Variants in UBXN7 observed in about 807,000 individuals in gnomAD.
The protein encoded by UBXN7 is UBX domain protein 7.
UBXN7 carries 9 observed loss-of-function variants against 58.0 expected under a neutral mutation model. The ratio of observed to expected loss-of-function variants is 0.16; its 90% confidence interval spans 0.09 to 0.27. The LOEUF (loss-of-function observed/expected upper bound fraction) is 0.27. UBXN7 is among the 10% of genes least tolerant of loss of function. The probability of loss-of-function intolerance (pLI) is 1.00; values close to 1 mark genes in which losing one functional copy is unlikely to be tolerated. For synonymous variants in UBXN7, 208 were observed against 205.0 expected (o/e 1.01, Z -0.12); for missense variants, 328 against 599.6 (o/e 0.55, Z 4.73).
chr3:196,412,942 T>C (rs1730377393), intron 1 of UBXN7, among the ~76,000 whole-genome samples: 2 of 152,134 alleles, frequency 1.3e-5, no homozygotes, highest in African/African-American at 4.8e-5. Context: ...TCTTGTTTAA[T>C]GGGTATAGAG....
chr3:196,364,481 G>T (rs773778861), intron 8 of UBXN7, among the ~76,000 whole-genome samples: 6 of 151,932 alleles, frequency 3.9e-5, no homozygotes, highest in Non-Finnish European at 7.4e-5. Flanking sequence ...GGGATACAGA[G>T]GAAAGAAGAC....
At chr3:196,408,679 G>T (rs368701144) in intron 1 of UBXN7, among the ~76,000 whole-genome samples, 2 of 151,990 alleles carry the variant, frequency 1.3e-5, no homozygotes, top group Non-Finnish European at 2.9e-5. Flanking sequence ...CAGTTTTACT[G>T]GGTATTCCAT....
chr3:196,359,071 A>G (rs1438267228), intron 10 of UBXN7, among the ~76,000 whole-genome samples: 2 of 152,102 alleles, frequency 1.3e-5, no homozygotes, highest in Non-Finnish European at 2.9e-5. Flanking sequence ...ATTGTGCTTC[A>G]AGTTACTGAA....
rs538295924 is a variant in UBXN7, at chr3:196,380,559, T to G, written c.469-8517A>C. Among the ~76,000 whole-genome samples the G allele has an allele frequency of 2.0e-5, 3 of 152,308 alleles. No homozygotes were observed. In the South Asian group the frequency reaches 6.2e-4, roughly 32 times the overall value. ...CTGCAGTCTGCAGCTCCCAGCATGA[T>G]CAATGCAGAAGACGGACGATTTCTG... is the stretch of plus-strand genomic sequence containing the variant. On this transcript the variant is annotated intron_variant, in intron 5 of 10. Coordinates refer to ENST00000296328, the MANE Select transcript of UBXN7 (RefSeq NM_015562.2).
intron 1 of UBXN7, among the ~76,000 whole-genome samples, chr3:196,415,780 CA>C (rs570503579): frequency 6.7e-4 from 93 of 138,024 alleles, no homozygotes; most frequent in Middle Eastern, 3.7e-3. Flanking sequence ...GACTTCATCT[CA>C]AAAAAAAAAA....
At chr3:196,372,120 G>A in intron 5 of UBXN7, 78 bp from the exon 6 acceptor site, 1 of 1,464,830 alleles carries the variant, frequency 6.8e-7, no homozygotes, top group South Asian at 1.4e-5. Flanking sequence ...TTCAGAGGTT[G>A]TTGTCTTTCA....
At position 196,352,908 on chromosome 3, in the gene UBXN7, A is replaced by G. The variant is rs1728250674; in HGVS notation, c.*3777T>C. 1.3e-5 allele frequency: 2 copies of G among 152,286 alleles called. No individual in the cohort carries two copies. The highest frequency in any genetic ancestry group is 1.9e-4 in the East Asian group (1 of 5,180). 9.4% of individuals were successfully genotyped at this position (152,286 alleles called of 1,614,324 possible). A position where few individuals can be genotyped will look rare whatever the true frequency, so the allele number is the denominator to read the frequency against. ...TTGTATCTTTTCTGAAAAATGTTTA[A>G]AAAAAGAAAAAATTGTTTTTTTACC... On this transcript the variant is annotated 3_prime_UTR_variant, in exon 11 of 11. Coordinates refer to ENST00000296328, the MANE Select transcript of UBXN7 (RefSeq NM_015562.2). The surrounding 1 kb of genome is among the most constrained non-coding windows in gnomAD (Gnocchi z 4.1).
At chr3:196,358,843 C>T (rs368478840) in intron 10 of UBXN7, among the ~76,000 whole-genome samples, 1,900 of 143,364 alleles carry the variant, frequency 0.013, 38 homozygotes, top group South Asian at 0.078. Flanking sequence ...TTTTTTTAAA[C>T]AGAGACAGGG....
chr3:196,427,125 T>C (rs918055065), intron 1 of UBXN7, among the ~76,000 whole-genome samples: 2 of 152,192 alleles, frequency 1.3e-5, no homozygotes, highest in African/African-American at 4.8e-5. Flanking sequence ...TTTCACCTGT[T>C]CTATAGTGTC....
At chr3:196,401,025 C>T (rs1255373570) in intron 3 of UBXN7, among the ~76,000 whole-genome samples, 1 of 151,626 alleles carries the variant, frequency 6.6e-6, no homozygotes, top group Non-Finnish European at 1.5e-5. Flanking sequence ...AGTATTCAGA[C>T]TTTACAGCTT....
At chr3:196,399,476 A>T (rs1164916126) in intron 3 of UBXN7, among the ~76,000 whole-genome samples, 1 of 152,086 alleles carries the variant, frequency 6.6e-6, no homozygotes, top group East Asian at 1.9e-4. Flanking sequence ...TCACTCTGTT[A>T]TACAGGCTGC....
intron 1 of UBXN7, among the ~76,000 whole-genome samples, chr3:196,428,250 C>G (rs775517247): frequency 2.8e-4 from 43 of 151,972 alleles, no homozygotes; most frequent in Admixed American, 1.7e-3. Context: ...TCAGTCTGAC[C>G]ATGCAAAAAA....
chr3:196,366,436 A>G (rs1728668233), intron 8 of UBXN7, among the ~76,000 whole-genome samples: 1 of 151,536 alleles, frequency 6.6e-6, no homozygotes, highest in Admixed American at 6.6e-5. Flanking sequence ...AGATTGACTG[A>G]GCCCAGGAGT....
At chr3:196,381,283 G>C (rs1318407656) in intron 5 of UBXN7, among the ~76,000 whole-genome samples, 3 of 152,230 alleles carry the variant, frequency 2.0e-5, no homozygotes, top group Admixed American at 2.0e-4. Context: ...AGCTTCCAGA[G>C]GAAGGCTCAG....
intron 10 of UBXN7, among the ~76,000 whole-genome samples, 154 bp downstream of exon 10, chr3:196,361,690 A>G (rs1728508953): frequency 6.6e-6 from 1 of 152,138 alleles, no homozygotes. Flanking sequence ...TTTTTAATTA[A>G]GTTATGTGCT....
At chr3:196,356,873 C>A (rs1383232137) in intron 10 of UBXN7, 27 bp from the exon 11 acceptor site, 5 of 1,589,176 alleles carry the variant, frequency 3.1e-6, no homozygotes, top group Non-Finnish European at 3.4e-6. Flanking sequence ...AAGACAAAGC[C>A]ATTAGACGGA....
intron 10 of UBXN7, among the ~76,000 whole-genome samples, chr3:196,360,236 C>T (rs34702811): frequency 0.53 from 80,119 of 152,020 alleles, 21,548 homozygotes; most frequent in East Asian, 0.9. Flanking sequence ...AGACAGTTCA[C>T]GAAGGTAACA....
Position 196,379,576 on chromosome 3 carries a change from C to T in UBXN7, c.469-7534G>A, listed in dbSNP as rs190061807. Among the ~76,000 whole-genome samples, 280 of 152,220 alleles carry T rather than the reference C, an allele frequency of 1.8e-3. 2 individuals carry two copies. The highest frequency in any genetic ancestry group is 6.3e-3 in the African/African-American group (263 of 41,530). The stretch of plus-strand genomic sequence containing the variant: ...GTAACTTCTTCATGCTTAATAGGGA[C>T]GATGGTATTCCTGTCTATTAGATCT... On this transcript the variant is annotated intron_variant, in intron 5 of 10. Transcript: ENST00000296328.
chr3:196,403,626 C>G (rs140359599), intron 2 of UBXN7, among the ~76,000 whole-genome samples: 2,943 of 152,166 alleles, frequency 0.019, 50 homozygotes, highest in Middle Eastern at 0.061. Flanking sequence ...CCCAAAAAAT[C>G]AGGCAGAAAT....
Sources: allele counts gnomAD v4.1 joint callset (sites outside exome capture counted in the v4.1 genomes callset), GRCh38; gene constraint gnomAD v4.1.1; non-coding constraint Gnocchi (gnomAD v3.1); transcripts MANE v1.5; gene names NCBI Gene and HGNC (gene_info 2026-07-23, HGNC 2026-07-21).